Variants in CTSD observed in about 807,000 individuals in gnomAD.
CTSD encodes ceroid-lipofuscinosis, neuronal 10.
A neutral mutation model predicts 43.6 loss-of-function variants in CTSD; 28 were observed. The observed-to-expected ratio is 0.64, with a 90% confidence interval of 0.48 to 0.88. The LOEUF (loss-of-function observed/expected upper bound fraction) is 0.88, where lower values mean the gene tolerates loss of function less well. CTSD is among the 40% of genes least tolerant of loss of function. The pLI, the probability that CTSD is intolerant of heterozygous loss-of-function variation, is 0.00. For missense variants in CTSD, 485 were observed against 555.2 expected (o/e 0.87, Z 1.27); for synonymous variants, 270 against 249.8 (o/e 1.08, Z -0.76).
chr11:1,753,752 C>T (rs1213352064), intron 8 of CTSD, 51 bp downstream of exon 8: 1 of 1,608,430 alleles, frequency 6.2e-7, no homozygotes, highest in Admixed American at 1.7e-5. Context: ...GAGCGTGCGC[C>T]CCCTCACCGC....
Position 1,753,562 on chromosome 11 carries a change from A to T in CTSD, c.1180T>A (p.Tyr394Asn). 6.2e-7 allele frequency: 1 copy of T among 1,613,078 alleles called. No individual in the cohort carries two copies. The highest frequency in any genetic ancestry group is 8.5e-7 in the Non-Finnish European group (1 of 1,179,926). The change falls in exon 9 of 9, where the codon TAC becomes AAC. Residue 394 changes from tyrosine to asparagine, a missense_variant. Tyr to Asn is a moderately radical substitution (Grantham distance 143). Coordinates refer to ENST00000236671, the MANE Select transcript of CTSD (RefSeq NM_001909.5). ...ILGDVFIGRY[Y>N]TVFDRDNNRV... ...TTGTTGTCACGGTCAAACACAGTGT[A>T]GTAGCGGCCGATGAAGACGTCGCCC...
At chr11:1,758,012 C>T (rs1194339317) in intron 4 of CTSD, 1 of 253,890 alleles carries the variant, frequency 3.9e-6, no homozygotes, top group African/African-American at 2.2e-5. Context: ...TCCCCCAGCC[C>T]TGGATGAGGC....
chr11:1,763,771 C>G (rs1845912600), intron 1 of CTSD, 21 bp downstream of exon 1: 13 of 1,522,206 alleles, frequency 8.5e-6, no homozygotes, highest in Non-Finnish European at 1.1e-5. Context: ...CGTCCCTGAG[C>G]CCCGGCCCCT....
At chr11:1,758,021 G>GC (rs1707889012) in intron 4 of CTSD, 1 of 245,632 alleles carries the variant, frequency 4.1e-6, no homozygotes, top group Non-Finnish European at 8.2e-6. Context: ...CCTGGATGAG[G>GC]CTGCAGAGAG....
intron 2 of CTSD, among the ~76,000 whole-genome samples, chr11:1,760,123 T>G (rs1845857429): frequency 6.6e-6 from 1 of 152,180 alleles, no homozygotes; most frequent in Non-Finnish European, 1.5e-5. Context: ...TGCCCTGCCC[T>G]CCAGGGTGAA....
rs1590903164 is a variant in CTSD, at chr11:1,753,089, T to G, written c.*414A>C. The G allele has an allele frequency of 3.4e-6, 1 of 293,430 alleles. No individual in the cohort carries two copies. The highest frequency in any genetic ancestry group is 6.7e-6 in the Non-Finnish European group (1 of 149,184). 18.2% of individuals were successfully genotyped at this position (293,430 alleles called of 1,614,324 possible). The stretch of plus-strand genomic sequence containing the variant: ...CAGAGGGGCCCTCAGGCAGGGCAGG[T>G]TTCCAAGGGAGGGCCCGGGAGGACG... On this transcript the variant is annotated 3_prime_UTR_variant, in exon 9 of 9. Transcript: ENST00000236671.
rs1207648366 is a variant in CTSD at position 1,761,276 on chromosome 11, C to T, written c.228+33G>A. The T allele has an allele frequency of 5.0e-6, 8 of 1,612,658 alleles. No homozygotes were observed. The Admixed American group carries it at 1.3e-4, about 27-fold the overall frequency. On this transcript the variant is annotated intron_variant, in intron 2 of 8. Transcript: ENST00000236671. ...CCACGGAGCTCTCCTGACAGTGGCT[C>T]CGCTTGCAGCAGGGCTAAGACCTCA...
chr11:1,759,667 T>C (rs754798069), intron 2 of CTSD, 28 bp from the exon 3 acceptor site: 3 of 1,601,598 alleles, frequency 1.9e-6, no homozygotes, highest in South Asian at 1.1e-5. Flanking sequence ...CCGTCAGGGA[T>C]GGGAGAGGGG....
chr11:1,753,075 T>G lies in CTSD; in HGVS notation c.*428A>C. 6.7e-6 allele frequency: 2 copies of G among 300,368 alleles called. No homozygotes were observed. Among genetic ancestry groups the G allele is most frequent in the Non-Finnish European group, 1.3e-5 (2 of 153,412 alleles). 18.6% of individuals were successfully genotyped at this position (300,368 alleles called of 1,614,324 possible). On this transcript the variant is annotated 3_prime_UTR_variant, in exon 9 of 9. Coordinates refer to ENST00000236671, the MANE Select transcript of CTSD (RefSeq NM_001909.5). The stretch of plus-strand genomic sequence containing the variant: ...GGGCCCAAGCTGGGCAGAGGGGCCC[T>G]CAGGCAGGGCAGGTTTCCAAGGGAG...
intron 8 of CTSD, 59 bp downstream of exon 8, chr11:1,753,744 G>A: frequency 6.2e-7 from 1 of 1,609,496 alleles, no homozygotes; most frequent in South Asian, 1.1e-5. Context: ...CTCACCTGGA[G>A]CGTGCGCCCC....
intron 6 of CTSD, 78 bp from the exon 7 acceptor site, chr11:1,754,216 C>CAGCCAGGGGAGGGG: frequency 6.5e-7 from 1 of 1,527,196 alleles, no homozygotes; most frequent in Non-Finnish European, 8.9e-7. Flanking sequence ...CCTGGGAGCC[C>CAGCCAGGGGAGGGG]CTCCCCTGGC....
intron 6 of CTSD, 73 bp from the exon 7 acceptor site, chr11:1,754,211 G>A: frequency 1.3e-6 from 2 of 1,545,978 alleles, no homozygotes; most frequent in African/African-American, 1.4e-5. Flanking sequence ...CCCTCCCTGG[G>A]AGCCCCTCCC....
At chr11:1,759,733 A>C (rs1845852609) in intron 2 of CTSD, 94 bp from the exon 3 acceptor site, 3 of 1,201,640 alleles carry the variant, frequency 2.5e-6, no homozygotes, top group Non-Finnish European at 3.4e-6. Context: ...GCCAAGGCCC[A>C]TACTGGAGGG....
At chr11:1,762,475 GA>G (rs1467604926) in intron 1 of CTSD, 2 of 152,236 alleles carry the variant, frequency 1.3e-5, no homozygotes, top group African/African-American at 4.8e-5. Context: ...CTGCCCCAGG[GA>G]CTTGAGAGTA....
Position 1,758,976 on chromosome 11 carries a change from G to A in CTSD, c.464C>T (p.Thr155Ile). Reference protein sequence around the residue: ...GSLSGYLSQDTVSVPCQSASS... With the variant: ...GSLSGYLSQDIVSVPCQSASS... The stretch of plus-strand genomic sequence containing the variant: ...GGCCCCAGAGGGACTCACCGACACA[G>A]TGTCCTGGCTCAGGTACCCGGAGAG... The change falls in exon 4 of 9, where the codon ACT becomes ATT. Residue 155 changes from threonine to isoleucine, a missense_variant. By Grantham distance (89) the Thr-to-Ile change is moderately conservative. Transcript: ENST00000236671. 1 of 1,609,132 alleles carries A rather than the reference G, an allele frequency of 6.2e-7. No individual in the cohort carries two copies. The highest frequency in any genetic ancestry group is 8.5e-7 in the Non-Finnish European group (1 of 1,175,478).
rs138305981 is a variant in CTSD at position 1,753,711 on chromosome 11, C to G, written c.1072-41G>C. The G allele has an allele frequency of 3.1e-4, 497 of 1,610,348 alleles. 1 individual carries two copies. In the East Asian group the frequency reaches 9.7e-3, roughly 32 times the overall value. Reference sequence around the variant, plus strand: ...TGGTCAGTACCCAGGCCTAGCACCACCCGCCCCCCCACCTGTTGCCCGCTC... The same window carrying G: ...TGGTCAGTACCCAGGCCTAGCACCAGCCGCCCCCCCACCTGTTGCCCGCTC... On this transcript the variant is annotated intron_variant, in intron 8 of 8. Coordinates refer to ENST00000236671, the MANE Select transcript of CTSD (RefSeq NM_001909.5).
intron 5 of CTSD, 84 bp from the exon 6 acceptor site, chr11:1,755,112 C>T: frequency 6.5e-7 from 1 of 1,538,928 alleles, no homozygotes; most frequent in Non-Finnish European, 8.9e-7. Flanking sequence ...GTGAATGTGG[C>T]AATCAGGGAG....
intron 6 of CTSD, chr11:1,754,355 C>CATGGAGGGATGGAGGGGATGGAGGGG: frequency 1.9e-6 from 1 of 513,956 alleles, no homozygotes. Flanking sequence ...TGGTGAGGGG[C>CATGGAGGGATGGAGGGGATGGAGGGG]ATGGAGGGAT....
Position 1,759,016 on chromosome 11 carries a change from A to G in CTSD, c.424T>C (p.Tyr142His). Residue 142 changes from tyrosine to histidine, a missense_variant, in exon 4 of 9, where the codon TAT becomes CAT. By Grantham distance (83) the Tyr-to-His change is moderately conservative. Transcript: ENST00000236671. ...TACCCGGAGAGGCTGCCCGAGCCATAGTGGATGTCAAACGAGGTACCATTC... is the reference window on the plus strand; with the variant it reads ...TACCCGGAGAGGCTGCCCGAGCCATGGTGGATGTCAAACGAGGTACCATTC... ...VKNGTSFDIH[Y>H]GSGSLSGYLS... The G allele has an allele frequency of 6.2e-7, 1 of 1,614,044 alleles. No individual in the cohort carries two copies. The highest frequency in any genetic ancestry group is 8.5e-7 in the Non-Finnish European group (1 of 1,179,920).
Sources: allele counts gnomAD v4.1 joint callset (sites outside exome capture counted in the v4.1 genomes callset), GRCh38; gene constraint gnomAD v4.1.1; transcripts MANE v1.5; gene names NCBI Gene and HGNC (gene_info 2026-07-23, HGNC 2026-07-21).